The following ADGRE2 variants were observed in gnomAD, a reference collection of about 807,000 sequenced individuals.
ADGRE2 encodes the protein CD97 antigen.
ADGRE2 carries 83 observed loss-of-function variants against 100.8 expected under a neutral mutation model. The observed-to-expected ratio is 0.82, with a 90% CI of 0.69 to 0.99. The LOEUF (loss-of-function observed/expected upper bound fraction) is 0.99, where lower values mean the gene tolerates loss of function less well. ADGRE2 is among the 50% of genes least tolerant of loss of function. The probability of loss-of-function intolerance (pLI) is 0.00; values close to 1 mark genes in which losing one functional copy is unlikely to be tolerated. For missense variants in ADGRE2, 814 were observed against 1,035.7 expected, an observed-to-expected ratio of 0.79 and a Z score of 2.94; for synonymous variants, 355 against 413.0, an observed-to-expected ratio of 0.86 and a Z score of 1.70.
intron 16 of ADGRE2, among the ~76,000 whole-genome samples, chr19:14,749,450 A>ATGTAATATAATTATT (rs2043198742): frequency 1.8e-5 from 2 of 113,528 alleles, no homozygotes; most frequent in Admixed American, 8.8e-5. Context: ...ATAATTATTT[A>ATGTAATATAATTATT]TAGTTATGTA....
Position 14,755,717 on chromosome 19 carries a change from G to A in ADGRE2, c.1353C>T (p.Ala451=), listed in dbSNP as rs750046350. ...TTTGGGTGTCGTTGTTGCTCAGAAA[G>A]GCAGAGATCACATCTGAGAGCAGGA... The part of the protein sequence containing the change: ...SPILLSDVIS[A]FLSNNDTQNL... The change falls in exon 13 of 21, where the codon GCC becomes GCT. Residue 451 remains alanine, a synonymous_variant. Coordinates refer to ENST00000315576, the MANE Select transcript of ADGRE2 (RefSeq NM_013447.4). The A allele has an allele frequency of 1.2e-6, 2 of 1,614,212 alleles. No homozygotes were observed. The highest frequency in any genetic ancestry group is 3.3e-5 in the Admixed American group (2 of 60,020).
chr19:14,732,170 T>C (rs1396899216), downstream of ADGRE2: 3 of 152,210 alleles, frequency 2.0e-5, no homozygotes, highest in Non-Finnish European at 2.9e-5. Flanking sequence ...TTCACAGATA[T>C]TGCATTTTTT....
rs944557551 is a variant in ADGRE2, at chr19:14,764,542, C to T, written c.975G>A (p.Gln325=). ...GCAGGTGACTGGCCACACAGTGCTG[C>T]TGTAAGCGGGGCAGGGTCTCCAGGT... The part of the protein sequence containing the change: ...PGDLETLPRL[Q]QHCVASHLLD... Residue 325 remains glutamine (Q), a synonymous_variant, in exon 11 of 21, where the codon CAG becomes CAA. Transcript: ENST00000315576. The T allele has an allele frequency of 3.7e-6, 6 of 1,612,902 alleles. No individual in the cohort carries two copies. The African/African-American group carries it at 8.0e-5, about 22-fold the overall frequency.
chr19:14,748,947 G>A (rs564555620), intron 16 of ADGRE2, among the ~76,000 whole-genome samples: 27 of 151,978 alleles, frequency 1.8e-4, no homozygotes, highest in African/African-American at 6.5e-4. Flanking sequence ...CTGACCAGGT[G>A]GTAATTATCC....
chr19:14,737,394 G>A (rs1353208194), intron 20 of ADGRE2, among the ~76,000 whole-genome samples: 2 of 151,930 alleles, frequency 1.3e-5, no homozygotes, highest in Non-Finnish European at 2.9e-5. Flanking sequence ...GGGTCTCACT[G>A]TATAGCCCAA....
rs1290073056 is a variant in ADGRE2, at chr19:14,772,110, G to A, written c.355+232C>T. 1.0e-5 allele frequency: 6 copies of A among 577,306 alleles called. No homozygotes were observed. The Admixed American group carries it at 1.2e-4, about 12-fold the overall frequency. 35.8% of individuals were successfully genotyped at this position (577,306 alleles called of 1,614,324 possible). A position where few individuals can be genotyped will look rare whatever the true frequency, so the allele number is the denominator to read the frequency against. ...TGTTGGTAATATCATTTAGGTAACAGGTGGCAAAGCCAGGATTTGGGCCCA... is the reference window on the plus strand; with the variant it reads ...TGTTGGTAATATCATTTAGGTAACAAGTGGCAAAGCCAGGATTTGGGCCCA... On this transcript the variant is annotated intron_variant, in intron 5 of 20. Coordinates refer to ENST00000315576, the MANE Select transcript of ADGRE2 (RefSeq NM_013447.4).
intron 17 of ADGRE2, among the ~76,000 whole-genome samples, chr19:14,746,581 T>C (rs1340172649): frequency 6.6e-6 from 1 of 152,100 alleles, no homozygotes; most frequent in African/African-American, 2.4e-5. Flanking sequence ...CAGGCTGGTC[T>C]TGAACTCCTG....
At chr19:14,736,948 T>C (rs2042776511) in intron 20 of ADGRE2, among the ~76,000 whole-genome samples, 1 of 136,306 alleles carries the variant, frequency 7.3e-6, no homozygotes, top group South Asian at 2.2e-4. Flanking sequence ...TATATGACTA[T>C]AGAAAGAAAA....
intron 5 of ADGRE2, among the ~76,000 whole-genome samples, chr19:14,769,564 G>A (rs1801791347): frequency 6.6e-6 from 1 of 152,192 alleles, no homozygotes; most frequent in South Asian, 2.1e-4. Context: ...GAACTAGCAG[G>A]CTGTTCTGTG....
At chr19:14,753,291 G>A (rs939791622) in intron 14 of ADGRE2, among the ~76,000 whole-genome samples, 1 of 152,018 alleles carries the variant, frequency 6.6e-6, no homozygotes, top group Non-Finnish European at 1.5e-5. Context: ...ACTTGTGGAG[G>A]GGGGAGCTAG....
intron 1 of ADGRE2, 189 bp from the exon 2 acceptor site, chr19:14,777,116 T>A: frequency 4.1e-6 from 4 of 985,198 alleles, no homozygotes; most frequent in Non-Finnish European, 4.8e-6. Flanking sequence ...CTCTGTGTGT[T>A]CCAGGCTGGC....
In ADGRE2 at chr19:14,763,834, C is replaced by T. The variant is rs1161974256; in HGVS notation, c.1084+599G>A. Among the ~76,000 whole-genome samples, 179 of 125,712 alleles carry T rather than the reference C, an allele frequency of 1.4e-3. 1 individual carries two copies. Among genetic ancestry groups the T allele is most frequent in the African/African-American group, 4.8e-3 (160 of 33,084 alleles). The allele number at this position is 125,712 out of a possible 152,430, so 82.5% of individuals were successfully genotyped here. On this transcript the variant is annotated intron_variant, in intron 11 of 20. Transcript: ENST00000315576. ...TCCTCCTCTTCCTCCTCTCCTCCTCCTTCTCTCCTCCTCCTCTCCTCCCCA... is the reference window on the plus strand; with the variant it reads ...TCCTCCTCTTCCTCCTCTCCTCCTCTTTCTCTCCTCCTCCTCTCCTCCCCA...
intron 16 of ADGRE2, among the ~76,000 whole-genome samples, chr19:14,748,873 G>T (rs1048123982): frequency 6.6e-6 from 1 of 151,786 alleles, no homozygotes; most frequent in Non-Finnish European, 1.5e-5. Flanking sequence ...GAAAATGAAT[G>T]CAAAAATCCT....
chr19:14,741,119 T>A (rs1440580522), intron 20 of ADGRE2, among the ~76,000 whole-genome samples: 1 of 135,578 alleles, frequency 7.4e-6, no homozygotes, highest in Non-Finnish European at 1.5e-5. Context: ...TTTGGCAGAG[T>A]ATTGCTGTGT....
chr19:14,729,291 AG>A (rs1419737290), downstream of ADGRE2, among the ~76,000 whole-genome samples: 2 of 152,140 alleles, frequency 1.3e-5, no homozygotes, highest in Non-Finnish European at 2.9e-5. Flanking sequence ...AAGACTGTTG[AG>A]CAGCATCCCT....
intron 18 of ADGRE2, 78 bp downstream of exon 18, chr19:14,746,154 A>G (rs1455263436): frequency 2.4e-6 from 2 of 821,884 alleles, no homozygotes; most frequent in East Asian, 5.1e-5. Context: ...AAGGGACCTC[A>G]GTGGCTGCTG....
chr19:14,764,784 C>T (rs1486290460), intron 10 of ADGRE2, among the ~76,000 whole-genome samples, 174 bp from the exon 11 acceptor site: 4 of 152,052 alleles, frequency 2.6e-5, no homozygotes, highest in East Asian at 1.9e-4. Context: ...TTTGGGAGGC[C>T]GATGAGGGTG....
intron 18 of ADGRE2, 46 bp downstream of exon 18, chr19:14,746,186 G>C (rs922707358): frequency 1.5e-5 from 18 of 1,199,174 alleles, no homozygotes; most frequent in Non-Finnish European, 1.8e-5. Flanking sequence ...TTGGCTCTTG[G>C]GAACCATACA....
chr19:14,759,324 A>G (rs1206494108), intron 11 of ADGRE2, among the ~76,000 whole-genome samples: 1 of 152,064 alleles, frequency 6.6e-6, no homozygotes, highest in Non-Finnish European at 1.5e-5. Flanking sequence ...ATTAGAAAAG[A>G]AATGATTTGG....
Sources: gnomAD v4.1 joint callset for allele counts (sites outside exome capture counted in the v4.1 genomes callset) on GRCh38, gnomAD v4.1.1 for gene constraint, MANE v1.5 for transcripts, NCBI Gene and HGNC (gene_info 2026-07-23, HGNC 2026-07-21) for gene names.